CALCRL: variants seen among roughly 807,000 people sequenced by gnomAD.
CALCRL encodes calcitonin receptor like receptor.
CALCRL carries 27 observed loss-of-function variants against 60.4 expected under a neutral mutation model. The observed-to-expected ratio is 0.45, with a 90% CI of 0.33 to 0.62. CALCRL has a LOEUF of 0.62. Among genes scored for constraint, CALCRL ranks in the 20% least tolerant of loss-of-function variants. The probability of loss-of-function intolerance (pLI) is 0.03; values close to 1 mark genes in which losing one functional copy is unlikely to be tolerated. For synonymous variants in CALCRL, 190 were observed against 182.6 expected, an observed-to-expected ratio of 1.04 and a Z score of -0.33; for missense variants, 424 against 540.7, an observed-to-expected ratio of 0.78 and a Z score of 2.14.
In CALCRL at chr2:187,447,080, T is replaced by C. The variant is rs966987617; in HGVS notation, c.-293+959A>G. Among the ~76,000 whole-genome samples the C allele has an allele frequency of 2.0e-5, 3 of 152,072 alleles. No individual in the cohort carries two copies. The East Asian group carries it at 5.8e-4, about 29-fold the overall frequency. On this transcript the variant is annotated intron_variant, in intron 1 of 14. Coordinates refer to ENST00000392370, the MANE Select transcript of CALCRL (RefSeq NM_005795.6). The stretch of plus-strand genomic sequence containing the variant: ...AATTTATTAAGCAGACATTAGTTTC[T>C]TAAATTGTTCAGGACAGTCTGTACT...
At chr2:187,392,560 A>G (rs140569212) in intron 1 of CALCRL, among the ~76,000 whole-genome samples, 113 of 152,280 alleles carry the variant, frequency 7.4e-4, no homozygotes, top group African/African-American at 2.7e-3. Context: ...ACTTATTTCA[A>G]TCATTCTACA....
At chr2:187,382,829 G>A (rs961215018) in intron 5 of CALCRL, among the ~76,000 whole-genome samples, 3 of 151,444 alleles carry the variant, frequency 2.0e-5, no homozygotes, top group Non-Finnish European at 4.4e-5. Context: ...TGTCAAGCAG[G>A]TTGTTAAAAA....
intron 8 of CALCRL, among the ~76,000 whole-genome samples, chr2:187,376,098 T>C (rs1211050833): frequency 6.6e-6 from 1 of 152,168 alleles, no homozygotes; most frequent in African/African-American, 2.4e-5. Flanking sequence ...ACTGTTTCAT[T>C]CATAGATTCT....
chr2:187,355,755 C>T (rs1050799997), intron 12 of CALCRL, among the ~76,000 whole-genome samples: 6 of 152,140 alleles, frequency 3.9e-5, no homozygotes, highest in African/African-American at 4.8e-5. Context: ...AAAACCCCAT[C>T]GACTCAGCCA....
intron 1 of CALCRL, among the ~76,000 whole-genome samples, chr2:187,443,919 A>T (rs1691046786): frequency 6.6e-6 from 1 of 151,718 alleles, no homozygotes; most frequent in Non-Finnish European, 1.5e-5. Flanking sequence ...GCGGGTTCAA[A>T]TTAACACTCA....
At chr2:187,358,904 T>C (rs1436282525) in intron 12 of CALCRL, among the ~76,000 whole-genome samples, 159 bp downstream of exon 12, 2 of 152,126 alleles carry the variant, frequency 1.3e-5, no homozygotes, top group Non-Finnish European at 2.9e-5. Context: ...TGCGCATACA[T>C]CAGATATGAT....
intron 1 of CALCRL, chr2:187,442,159 C>T (rs1375203225): frequency 2.7e-5 from 4 of 147,690 alleles, no homozygotes; most frequent in Non-Finnish European, 6.0e-5. Context: ...CATACACACA[C>T]ATATATACGC....
At chr2:187,433,386 T>C (rs1376588667) in intron 1 of CALCRL, among the ~76,000 whole-genome samples, 4 of 152,076 alleles carry the variant, frequency 2.6e-5, no homozygotes, top group African/African-American at 9.7e-5. Flanking sequence ...ATGAGTTAAT[T>C]TTGGTTAATA....
At chr2:187,425,867 G>C (rs958893472) in intron 1 of CALCRL, among the ~76,000 whole-genome samples, 31 of 151,798 alleles carry the variant, frequency 2.0e-4, no homozygotes, top group African/African-American at 7.3e-4. Context: ...AACTATAACT[G>C]TTATATCATT....
chr2:187,369,972 A>G (rs1486405650), intron 8 of CALCRL, among the ~76,000 whole-genome samples: 3 of 152,174 alleles, frequency 2.0e-5, no homozygotes, highest in Admixed American at 6.5e-5. Flanking sequence ...CTTTTTTTCC[A>G]TTCTACAGAA....
At chr2:187,411,734 T>C (rs1055461909) in intron 1 of CALCRL, among the ~76,000 whole-genome samples, 1 of 151,910 alleles carries the variant, frequency 6.6e-6, no homozygotes, top group Admixed American at 6.6e-5. Flanking sequence ...AATTACATCC[T>C]GCCTGTAATC....
chr2:187,349,756 A>G (rs914444733), intron 14 of CALCRL, among the ~76,000 whole-genome samples: 4 of 151,680 alleles, frequency 2.6e-5, no homozygotes, highest in African/African-American at 9.7e-5. Context: ...TTGTTTACAC[A>G]GATCGAGTGT....
chr2:187,348,583 C>G (rs781326502), intron 14 of CALCRL, among the ~76,000 whole-genome samples: 6 of 151,532 alleles, frequency 4.0e-5, no homozygotes, highest in African/African-American at 9.7e-5. Context: ...ACTGTTTGCT[C>G]TTAAAATATC....
At chr2:187,431,355 T>C (rs1317572468) in intron 1 of CALCRL, 1 of 155,162 alleles carries the variant, frequency 6.4e-6, no homozygotes, top group African/African-American at 2.4e-5. Context: ...TGGTGTATCA[T>C]CGTAGGACCC....
In CALCRL at chr2:187,347,626, AAC is replaced by A. The variant is rs377039086; in HGVS notation, c.1171-1229_1171-1228del. On this transcript the variant is annotated intron_variant, in intron 14 of 14. Coordinates refer to ENST00000392370, the MANE Select transcript of CALCRL (RefSeq NM_005795.6). ...GTTATTTCCTAGTCTAATGGATTAA[AAC>A]ACACACACACACACATACACACACA... is the stretch of plus-strand genomic sequence containing the variant. Among the ~76,000 whole-genome samples the A allele has an allele frequency of 6.4e-4, 97 of 150,496 alleles. 1 individual carries two copies. Among genetic ancestry groups the A allele is most frequent in the African/African-American group, 1.9e-3 (77 of 41,198 alleles).
At chr2:187,435,865 C>CGT (rs5837037) in intron 1 of CALCRL, among the ~76,000 whole-genome samples, 36,653 of 148,082 alleles carry the variant, frequency 0.25, 4,620 homozygotes, top group Non-Finnish European at 0.27. Context: ...TGTGTTTGTG[C>CGT]GTGCGTGTGT....
At chr2:187,360,307 C>T (rs1051551966) in intron 10 of CALCRL, among the ~76,000 whole-genome samples, 1 of 151,954 alleles carries the variant, frequency 6.6e-6, no homozygotes, top group Non-Finnish European at 1.5e-5. Flanking sequence ...ATTTATGATT[C>T]TACTTCTATT....
chr2:187,405,026 G>A (rs1021180878), intron 1 of CALCRL, among the ~76,000 whole-genome samples: 4 of 151,952 alleles, frequency 2.6e-5, no homozygotes, highest in Admixed American at 6.6e-5. Flanking sequence ...TAACTGGAAT[G>A]CAGGCAGAAA....
intron 1 of CALCRL, among the ~76,000 whole-genome samples, chr2:187,438,701 G>T (rs940271199): frequency 5.9e-5 from 9 of 152,084 alleles, no homozygotes; most frequent in Non-Finnish European, 1.3e-4. Flanking sequence ...TTGGGGAAAG[G>T]CTTCAACATT....
Sources: allele counts gnomAD v4.1 joint callset (sites outside exome capture counted in the v4.1 genomes callset), GRCh38; gene constraint gnomAD v4.1.1; transcripts MANE v1.5; gene names NCBI Gene and HGNC (gene_info 2026-07-23, HGNC 2026-07-21).